ALOX5: variants seen among roughly 807,000 people sequenced by gnomAD.
ALOX5 encodes polyunsaturated fatty acid 5-lipoxygenase.
ALOX5 carries 64 observed loss-of-function variants against 87.9 expected under a neutral mutation model. That is an observed-to-expected ratio of 0.73 (90% CI 0.60 to 0.90). The LOEUF is 0.90. Among genes scored for constraint, ALOX5 ranks in the 40% least tolerant of loss-of-function variants. The probability of loss-of-function intolerance (pLI) is 0.00; values close to 1 mark genes in which losing one functional copy is unlikely to be tolerated. For missense variants in ALOX5, 822 were observed against 907.5 expected (o/e 0.91, Z 1.21); for synonymous variants, 388 against 355.1 (o/e 1.09, Z -1.04).
At chr10:45,442,853 G>T (rs2242334) in intron 9 of ALOX5, 185 bp from the exon 10 acceptor site, 431,114 of 630,644 alleles carry the variant, frequency 0.68, 148,037 homozygotes, top group Admixed American at 0.75. Context: ...CTCCTCCCTA[G>T]CACCTCTCCA....
intron 3 of ALOX5, among the ~76,000 whole-genome samples, chr10:45,411,388 C>T (rs763198747): frequency 6.6e-6 from 1 of 152,196 alleles, no homozygotes; most frequent in Non-Finnish European, 1.5e-5. Context: ...TACCCAGCCC[C>T]TATTCAAGAT....
At chr10:45,443,911 G>A in intron 12 of ALOX5, 83 bp downstream of exon 12, 1 of 1,487,014 alleles carries the variant, frequency 6.7e-7, no homozygotes, top group Non-Finnish European at 9.1e-7. Flanking sequence ...CACGCGTACT[G>A]CACCCTCGGA....
intron 4 of ALOX5, among the ~76,000 whole-genome samples, chr10:45,412,892 T>C (rs1841122216): frequency 6.6e-6 from 1 of 152,218 alleles, no homozygotes. Flanking sequence ...CCGCAGGGCT[T>C]TTTAAAGCTT....
intron 1 of ALOX5, among the ~76,000 whole-genome samples, chr10:45,381,909 G>A (rs1007821476): frequency 1.3e-5 from 2 of 152,246 alleles, no homozygotes; most frequent in South Asian, 4.1e-4. Context: ...TTGGCTCCAT[G>A]AACTGTAGTG....
chr10:45,382,653 T>C lies in ALOX5; in HGVS notation c.321T>C (p.Asp107=), dbSNP rs1211938413. ...CCTGCTACCGCTGGATCACCGGCGATGTCGAGGTTGTCCTGAGGGATGGAC... is the reference window on the plus strand; with the variant it reads ...CCTGCTACCGCTGGATCACCGGCGACGTCGAGGTTGTCCTGAGGGATGGAC... ...EFPCYRWITG[D]VEVVLRDGRA... is the part of the protein sequence containing the mutation. The change falls in exon 2 of 14, where the codon GAT becomes GAC. Residue 107 remains aspartate (D), a synonymous_variant. Transcript: ENST00000374391. 2 of 1,613,688 alleles carry C rather than the reference T, an allele frequency of 1.2e-6. No homozygotes were observed. The highest frequency in any genetic ancestry group is 4.5e-5 in the East Asian group (2 of 44,884).
chr10:45,412,500 TAAAA>T (rs1468443401), intron 4 of ALOX5, among the ~76,000 whole-genome samples, 187 bp downstream of exon 4: 2 of 152,050 alleles, frequency 1.3e-5, no homozygotes, highest in African/African-American at 2.4e-5. Context: ...ACCGGTATCT[TAAAA>T]AAGGCATAAC....
intron 7 of ALOX5, among the ~76,000 whole-genome samples, chr10:45,432,921 C>T (rs1419405202): frequency 6.6e-6 from 1 of 152,158 alleles, no homozygotes; most frequent in Non-Finnish European, 1.5e-5. Flanking sequence ...TAAGAGATGC[C>T]TATCTATGAT....
In ALOX5 at chr10:45,391,090, T is replaced by TCTCCCTCTCCCG. The variant is rs1336567629; in HGVS notation, c.350-4760_350-4759insTCTCCCGCTCCC. 3.5e-5 allele frequency among the ~76,000 whole-genome samples: 4 copies of TCTCCCTCTCCCG among 114,824 alleles called. No individual in the cohort carries two copies. In the East Asian group the frequency reaches 1.3e-3, roughly 37 times the overall value. 75.3% of individuals were successfully genotyped at this position (114,824 alleles called of 152,430 possible). A position where few individuals can be genotyped will look rare whatever the true frequency, so the allele number is the denominator to read the frequency against. On this transcript the variant is annotated intron_variant, in intron 2 of 13. Transcript: ENST00000374391. ...CCTCTCCCCACGGTCTCCCTCTCCC[T>TCTCCCTCTCCCG]CTCCCCACGGTCTCCCTCTCCCTCT...
At chr10:45,418,155 C>A (rs545588181) in intron 4 of ALOX5, among the ~76,000 whole-genome samples, 1 of 152,256 alleles carries the variant, frequency 6.6e-6, no homozygotes, top group South Asian at 2.1e-4. Flanking sequence ...GGATGGAGAC[C>A]CTTGAGTTCT....
intron 3 of ALOX5, among the ~76,000 whole-genome samples, chr10:45,409,140 A>G (rs2132752596): frequency 6.6e-6 from 1 of 152,216 alleles, no homozygotes; most frequent in Admixed American, 6.5e-5. Flanking sequence ...ACTGGGCTCA[A>G]GTAAGGCAAA....
In ALOX5 at chr10:45,444,150, C is replaced by A. The variant is rs758702729; in HGVS notation, c.1709C>A (p.Pro570Gln). ...DWCSWIPNAP[P>Q]TMRAPPPTAK... is the part of the protein sequence containing the mutation. ...TGCTCCTGGATCCCCAATGCGCCCC[C>A]AACCATGCGAGCCCCGCCACCGACT... is the stretch of plus-strand genomic sequence containing the variant. Residue 570 changes from proline (P) to glutamine (Q), a missense_variant, in exon 13 of 14, where the codon CCA becomes CAA. Physicochemically the swap from Pro to Gln is moderately conservative, Grantham distance 76 (BLOSUM62 -1). Coordinates refer to ENST00000374391, the MANE Select transcript of ALOX5 (RefSeq NM_000698.5). 16 of 1,553,274 alleles carry A rather than the reference C, an allele frequency of 1.0e-5. No individual in the cohort carries two copies. Among genetic ancestry groups the A allele is most frequent in the Non-Finnish European group, 1.3e-5 (15 of 1,148,426 alleles).
intron 7 of ALOX5, 54 bp downstream of exon 7, chr10:45,428,818 G>A: frequency 6.2e-7 from 1 of 1,601,670 alleles, no homozygotes; most frequent in Non-Finnish European, 8.5e-7. Context: ...TGCGATCCAG[G>A]GCTCCTGGGT....
chr10:45,421,225 A>G (rs964354341), intron 4 of ALOX5, among the ~76,000 whole-genome samples: 60 of 152,262 alleles, frequency 3.9e-4, no homozygotes, highest in African/African-American at 1.4e-3. Context: ...TCCTAACTCC[A>G]CTTCTTCCTA....
At chr10:45,424,204 G>T (rs1327493528) in intron 5 of ALOX5, 57 bp downstream of exon 5, 2 of 1,435,124 alleles carry the variant, frequency 1.4e-6, no homozygotes, top group Admixed American at 1.7e-5. Flanking sequence ...CTGCTCTCCT[G>T]TCTGATACTT....
Position 45,425,160 on chromosome 10 carries a change from C to T in ALOX5, c.834+28C>T, listed in dbSNP as rs1564439716. 1.2e-6 allele frequency: 2 copies of T among 1,603,940 alleles called. No homozygotes were observed. Among genetic ancestry groups the T allele is most frequent in the Non-Finnish European group, 1.7e-6 (2 of 1,174,354 alleles). On this transcript the variant is annotated intron_variant, in intron 6 of 13. Coordinates refer to ENST00000374391, the MANE Select transcript of ALOX5 (RefSeq NM_000698.5). This position sits in a 1 kb window ranked among gnomAD's most constrained non-coding sequence, Gnocchi z 4.4. ...AGGGGTTGATGGGCTGGGGAAGTGGCCAAGGTCACAGTCTGTCAGGTGGAA... is the reference window on the plus strand; with the variant it reads ...AGGGGTTGATGGGCTGGGGAAGTGGTCAAGGTCACAGTCTGTCAGGTGGAA...
At chr10:45,398,301 A>G (rs546101018) in intron 3 of ALOX5, among the ~76,000 whole-genome samples, 24 of 152,338 alleles carry the variant, frequency 1.6e-4, no homozygotes, top group Admixed American at 1.6e-3. Flanking sequence ...CATGCAAAAG[A>G]ATGAAGTTGG....
At chr10:45,440,704 T>TCCCACAG (rs1842207461) in intron 8 of ALOX5, 71 bp downstream of exon 8, 1 of 1,520,486 alleles carries the variant, frequency 6.6e-7, no homozygotes, top group Admixed American at 1.8e-5. Flanking sequence ...ATCACTGACA[T>TCCCACAG]CCCACAGGGG....
In ALOX5 at chr10:45,425,396, A is replaced by G. The variant is rs3780904; in HGVS notation, c.834+264A>G. Among the ~76,000 whole-genome samples the G allele has an allele frequency of 7.5e-3, 1,136 of 152,270 alleles. 19 individuals carry two copies. Among genetic ancestry groups the G allele is most frequent in the East Asian group, 0.059 (306 of 5,182 alleles). ...GGAACATAATGTCAATATTTTCACTATCAGTATCAATAATTACAGGAGCTA... is the reference window on the plus strand; with the variant it reads ...GGAACATAATGTCAATATTTTCACTGTCAGTATCAATAATTACAGGAGCTA... On this transcript the variant is annotated intron_variant, in intron 6 of 13. Transcript: ENST00000374391. The surrounding 1 kb of genome is among the most constrained non-coding windows in gnomAD (Gnocchi z 4.4).
chr10:45,422,132 AC>A (rs1396808623), intron 4 of ALOX5, among the ~76,000 whole-genome samples: 1 of 151,762 alleles, frequency 6.6e-6, no homozygotes, highest in Non-Finnish European at 1.5e-5. Context: ...GGCAGGAGAG[AC>A]CCCCAGTGTC....
Sources: gnomAD v4.1 joint callset for allele counts (sites outside exome capture counted in the v4.1 genomes callset) on GRCh38, gnomAD v4.1.1 for gene constraint, Gnocchi (gnomAD v3.1) non-coding constraint, MANE v1.5 for transcripts, NCBI Gene and HGNC (gene_info 2026-07-23, HGNC 2026-07-21) for gene names.